The following PDE3B variants were observed in gnomAD, a reference collection of about 807,000 sequenced individuals.
PDE3B encodes cGMP-inhibited 3',5'-cyclic phosphodiesterase 3B.
Under a neutral mutation model 116.8 loss-of-function variants are expected in PDE3B, and 66 were observed. The observed-to-expected ratio is 0.56, with a 90% CI of 0.46 to 0.69. The LOEUF (loss-of-function observed/expected upper bound fraction) is 0.69, where lower values mean the gene tolerates loss of function less well. Among genes scored for constraint, PDE3B ranks in the 30% least tolerant of loss-of-function variants. The pLI, the probability that PDE3B is intolerant of heterozygous loss-of-function variation, is 0.00. For synonymous variants in PDE3B, 595 were observed against 533.6 expected, an observed-to-expected ratio of 1.12 and a Z score of -1.59; for missense variants, 1,384 against 1,368.1, an observed-to-expected ratio of 1.01 and a Z score of -0.18.
At chr11:14,785,328 G>A (rs1272654014) in intron 2 of PDE3B, among the ~76,000 whole-genome samples, 2 of 151,930 alleles carry the variant, frequency 1.3e-5, no homozygotes, top group African/African-American at 4.8e-5. Flanking sequence ...GCTATGCCCT[G>A]GTATCAGGAA....
At chr11:14,722,124 A>G (rs976197797) in intron 1 of PDE3B, among the ~76,000 whole-genome samples, 2 of 150,608 alleles carry the variant, frequency 1.3e-5, no homozygotes, top group Non-Finnish European at 3.0e-5. Flanking sequence ...ACACATGGAC[A>G]CAGGAAGGGG....
chr11:14,845,246 T>A (rs1055109550), intron 12 of PDE3B, among the ~76,000 whole-genome samples: 1 of 151,748 alleles, frequency 6.6e-6, no homozygotes, highest in Non-Finnish European at 1.5e-5. Flanking sequence ...AGTGCACCTC[T>A]AGCAAACTCC....
intron 1 of PDE3B, among the ~76,000 whole-genome samples, chr11:14,692,309 C>G (rs1360818431): frequency 6.6e-6 from 1 of 152,026 alleles, no homozygotes; most frequent in Non-Finnish European, 1.5e-5. Context: ...AGTATCTACA[C>G]CATAGGTTTG....
chr11:14,759,598 G>T (rs1164241595), intron 1 of PDE3B, among the ~76,000 whole-genome samples: 1 of 149,822 alleles, frequency 6.7e-6, no homozygotes, highest in Non-Finnish European at 1.5e-5. Context: ...CGCCTGGTTG[G>T]AGTGCAGTGG....
At chr11:14,783,619 G>T (rs1031479378) in intron 2 of PDE3B, among the ~76,000 whole-genome samples, 3 of 152,028 alleles carry the variant, frequency 2.0e-5, no homozygotes, top group Admixed American at 2.0e-4. Flanking sequence ...TGGGGTGGGG[G>T]AGTGGGGAGG....
At chr11:14,892,899 C>G in the PDE3B span, among the ~76,000 whole-genome samples, 1 of 152,164 alleles carries the variant, frequency 6.6e-6, no homozygotes, top group Non-Finnish European at 1.5e-5. Context: ...CACTTGTTCA[C>G]GGAGAGTATT....
chr11:14,655,473 T>G (rs78856781), intron 1 of PDE3B, among the ~76,000 whole-genome samples: 2,122 of 152,320 alleles, frequency 0.014, 26 homozygotes, highest in Non-Finnish European at 0.024. Flanking sequence ...CTTAATTACC[T>G]TTCAGTTATT....
intron 2 of PDE3B, among the ~76,000 whole-genome samples, chr11:14,784,105 T>A (rs1035230611): frequency 2.6e-5 from 4 of 152,204 alleles, no homozygotes; most frequent in Non-Finnish European, 5.9e-5. Context: ...AACAGTTTCA[T>A]TCTGAAACCA....
intron 1 of PDE3B, among the ~76,000 whole-genome samples, chr11:14,707,061 T>C (rs1383718882): frequency 1.3e-5 from 2 of 151,782 alleles, no homozygotes; most frequent in Non-Finnish European, 2.9e-5. Flanking sequence ...GGAGGAAAGA[T>C]TGGACAAGAC....
intron 1 of PDE3B, among the ~76,000 whole-genome samples, chr11:14,721,285 A>C (rs1368931641): frequency 6.6e-6 from 1 of 152,176 alleles, no homozygotes; most frequent in African/African-American, 2.4e-5. Flanking sequence ...CAGGTGCTGG[A>C]GAGGATGTGG....
At chr11:14,766,567 CTG>C (rs1278474142) in intron 1 of PDE3B, among the ~76,000 whole-genome samples, 3 of 151,564 alleles carry the variant, frequency 2.0e-5, no homozygotes, top group African/African-American at 7.3e-5. Flanking sequence ...GATGTATACT[CTG>C]TATCCAAAAA....
At chr11:14,826,297 C>A (rs1859684084) in intron 7 of PDE3B, among the ~76,000 whole-genome samples, 3 of 152,002 alleles carry the variant, frequency 2.0e-5, no homozygotes, top group Admixed American at 1.3e-4. Context: ...GATTGAGACA[C>A]AAAAACACCA....
chr11:14,845,946 C>A (rs1327690757), intron 12 of PDE3B, among the ~76,000 whole-genome samples: 1 of 152,172 alleles, frequency 6.6e-6, no homozygotes, highest in Non-Finnish European at 1.5e-5. Flanking sequence ...CTTCCCCAAT[C>A]TAGCAAGGCA....
At chr11:14,811,815 C>A (rs1014924235) in intron 5 of PDE3B, among the ~76,000 whole-genome samples, 1 of 151,998 alleles carries the variant, frequency 6.6e-6, no homozygotes, top group African/African-American at 2.4e-5. Context: ...CTTTTATTTC[C>A]TTGAGCAGTG....
At chr11:14,885,987 C>T in the PDE3B span, 1 of 1,492,100 alleles carries the variant, frequency 6.7e-7, no homozygotes, top group Non-Finnish European at 9.3e-7. Context: ...TGGAAATCTA[C>T]AAGTGGTAAG....
At chr11:14,892,394 T>C in the PDE3B span, 1 of 625,768 alleles carries the variant, frequency 1.6e-6, no homozygotes, top group Non-Finnish European at 2.8e-6. Flanking sequence ...GAGAGTGGAC[T>C]TTGCGGAGCG....
At chr11:14,673,826 G>A (rs1430355853) in intron 1 of PDE3B, 13 of 1,017,134 alleles carry the variant, frequency 1.3e-5, no homozygotes, top group Admixed American at 1.7e-5. Context: ...CAAGAATTTC[G>A]GCATACTGTG....
rs776413938 is a variant in PDE3B at position 14,644,815 on chromosome 11, T to C, written c.740T>C (p.Leu247Pro). ...TCGCTGCCCTCCGCCCTCAGGCCGC[T>C]GCTCTCCGGCCTGGTGGGGGGCGCT... The part of the protein sequence containing the change: ...LGSLPSALRP[L>P]LSGLVGGAGC... Residue 247 changes from leucine to proline, a missense_variant, in exon 1 of 16, where the codon CTG becomes CCG. Coordinates refer to ENST00000282096, the MANE Select transcript of PDE3B (RefSeq NM_000922.4). The C allele has an allele frequency of 8.7e-6, 14 of 1,611,892 alleles. 1 individual carries two copies. In the South Asian group the frequency reaches 1.5e-4, roughly 18 times the overall value.
rs782490980 is a variant in PDE3B at position 14,861,219 on chromosome 11, T to C, written c.2739T>C (p.Asn913=). The C allele has an allele frequency of 5.0e-6, 8 of 1,611,740 alleles. No individual in the cohort carries two copies. Among genetic ancestry groups the C allele is most frequent in the Non-Finnish European group, 6.8e-6 (8 of 1,178,414 alleles). The change falls in exon 14 of 16, where the codon AAT becomes AAC. Residue 913 remains asparagine, a synonymous_variant. Transcript: ENST00000282096. The part of the protein sequence containing the change: ...AEFNAKANDV[N]SNGIEWSNEN... ...TTCCAAAATAGGCAAATGATGTAAA[T>C]AGTAATGGCATAGAATGGAGTAATG...
Sources: allele counts gnomAD v4.1 joint callset (sites outside exome capture counted in the v4.1 genomes callset), GRCh38; gene constraint gnomAD v4.1.1; transcripts MANE v1.5; gene names NCBI Gene and HGNC (gene_info 2026-07-23, HGNC 2026-07-21).